SYT1: variants seen among roughly 807,000 people sequenced by gnomAD.
SYT1 encodes the protein synaptotagmin 1, also known as synaptotagmin-1.
A neutral mutation model predicts 44.8 loss-of-function variants in SYT1; 8 were observed. The observed-to-expected ratio is 0.18, with a 90% CI of 0.10 to 0.32. The LOEUF is 0.32. Ranked by LOEUF, SYT1 falls within the 10% of genes least tolerant of loss-of-function variation. The pLI is 1.00. For missense variants in SYT1, 286 were observed against 509.3 expected, an observed-to-expected ratio of 0.56 and a Z score of 4.22; for synonymous variants, 154 against 188.8, an observed-to-expected ratio of 0.82 and a Z score of 1.51.
At chr12:78,998,695 T>C (rs182244769) in intron 2 of SYT1, among the ~76,000 whole-genome samples, 4 of 152,312 alleles carry the variant, frequency 2.6e-5, no homozygotes, top group Admixed American at 6.5e-5. Context: ...AGCTTTGTGA[T>C]CTCCGATTTG....
intron 2 of SYT1, chr12:78,995,988 A>C (rs565065014): frequency 6.6e-6 from 1 of 152,334 alleles, no homozygotes; most frequent in South Asian, 2.1e-4. Flanking sequence ...TCACTGTAGG[A>C]TCAAAAACTT....
chr12:79,328,808 A>T (rs560265436), intron 8 of SYT1, among the ~76,000 whole-genome samples: 41 of 151,486 alleles, frequency 2.7e-4, no homozygotes, highest in African/African-American at 9.0e-4. Flanking sequence ...ATCACGCCAT[A>T]GCACTCCAGC....
In SYT1 at chr12:79,449,071, C is replaced by T; in HGVS notation, c.1216C>T (p.His406Tyr). The change falls in exon 11 of 11, where the codon CAC becomes TAC. Residue 406 changes from histidine to tyrosine, a missense_variant. Physicochemically the swap from His to Tyr is moderately conservative, Grantham distance 83. Around this residue, in one of 6 missense-constraint regions of SYT1, gnomAD observed 34 missense variants for 59.0 expected, o/e 0.58. Coordinates refer to ENST00000261205, the MANE Select transcript of SYT1 (RefSeq NM_005639.3). ...CCCCAGGCGACCTATTGCCCAGTGG[C>T]ACACCCTGCAGGTAGAGGAGGAAGT... ...ANPRRPIAQW[H>Y]TLQVEEEVDA... is the part of the protein sequence containing the mutation. The T allele has an allele frequency of 6.2e-7, 1 of 1,614,116 alleles. No homozygotes were observed. The highest frequency in any genetic ancestry group is 8.5e-7 in the Non-Finnish European group (1 of 1,179,998).
rs1217068268 is a variant in SYT1 at position 79,041,011 on chromosome 12, GT to G, written c.-83-6282del. ...TCTGTTTTGGTACCAGTACCCTGCTGTTTTGGTTACTGTAGCCTTGTAGTGT... is the reference window on the plus strand; with the variant it reads ...TCTGTTTTGGTACCAGTACCCTGCTGTTTGGTTACTGTAGCCTTGTAGTGT... On this transcript the variant is annotated intron_variant, in intron 2 of 10. Coordinates refer to ENST00000261205, the MANE Select transcript of SYT1 (RefSeq NM_005639.3). Among the ~76,000 whole-genome samples the G allele has an allele frequency of 2.6e-4, 40 of 152,100 alleles. 1 individual carries two copies. The highest frequency in any genetic ancestry group is 7.3e-5 in the Non-Finnish European group (5 of 68,028).
intron 1 of SYT1, among the ~76,000 whole-genome samples, chr12:78,930,664 T>C (rs923616881): frequency 4.7e-5 from 7 of 150,110 alleles, no homozygotes; most frequent in African/African-American, 9.8e-5. Context: ...ACCTCCTCCA[T>C]TGGGAGGTTG....
intron 9 of SYT1, among the ~76,000 whole-genome samples, chr12:79,384,802 T>G (rs2136080039): frequency 6.6e-6 from 1 of 152,288 alleles, no homozygotes; most frequent in Middle Eastern, 3.4e-3. Flanking sequence ...ACGTCATCAC[T>G]TATTATATGA....
At chr12:78,968,014 A>C (rs1868289283) in intron 1 of SYT1, among the ~76,000 whole-genome samples, 1 of 152,124 alleles carries the variant, frequency 6.6e-6, no homozygotes, top group Non-Finnish European at 1.5e-5. Flanking sequence ...TTTTGTGATG[A>C]CTTTAGTAGG....
chr12:79,098,539 A>T (rs1878277057), intron 3 of SYT1, among the ~76,000 whole-genome samples: 2 of 152,154 alleles, frequency 1.3e-5, no homozygotes, highest in Non-Finnish European at 2.9e-5. Flanking sequence ...CAAGTTATAA[A>T]GATGTGGTTT....
chr12:79,070,695 G>A (rs1274263592), intron 3 of SYT1, among the ~76,000 whole-genome samples: 2 of 151,954 alleles, frequency 1.3e-5, no homozygotes, highest in Admixed American at 1.3e-4. Context: ...CATAAACACG[G>A]GAACAACAGA....
intron 4 of SYT1, among the ~76,000 whole-genome samples, chr12:79,280,785 G>A (rs942223505): frequency 4.6e-5 from 7 of 151,488 alleles, no homozygotes; most frequent in Non-Finnish European, 7.4e-5. Context: ...AAGATCCACA[G>A]GGACCTCAAA....
chr12:79,381,542 A>G (rs879870535), intron 9 of SYT1, among the ~76,000 whole-genome samples: 5 of 152,240 alleles, frequency 3.3e-5, no homozygotes, highest in Non-Finnish European at 7.3e-5. Flanking sequence ...TGTTAGAATA[A>G]CATCTGCCAA....
intron 3 of SYT1, among the ~76,000 whole-genome samples, chr12:79,126,213 A>G (rs911981631): frequency 2.0e-5 from 3 of 152,198 alleles, no homozygotes; most frequent in Non-Finnish European, 4.4e-5. Context: ...TATGTAACCC[A>G]TATATATGGC....
intron 4 of SYT1, among the ~76,000 whole-genome samples, chr12:79,230,970 C>T (rs985423181): frequency 2.6e-5 from 4 of 152,128 alleles, no homozygotes; most frequent in African/African-American, 9.7e-5. Context: ...TTTGTTTTTA[C>T]CACGTAGCAA....
At chr12:78,970,298 A>G (rs1868343911) in intron 1 of SYT1, among the ~76,000 whole-genome samples, 1 of 152,248 alleles carries the variant, frequency 6.6e-6, no homozygotes, top group Non-Finnish European at 1.5e-5. Flanking sequence ...AAGTGAATAA[A>G]TGAACACAGG....
At chr12:79,273,800 C>A (rs994150558) in intron 4 of SYT1, among the ~76,000 whole-genome samples, 4 of 152,208 alleles carry the variant, frequency 2.6e-5, no homozygotes, top group African/African-American at 9.6e-5. Flanking sequence ...AAACTCCCAA[C>A]TGTGGTGGGG....
chr12:79,179,365 T>TATCGATATATCTATATCGATAG (rs1366614337), intron 3 of SYT1, among the ~76,000 whole-genome samples: 3 of 22,306 alleles, frequency 1.3e-4, no homozygotes, highest in Admixed American at 5.2e-4. Context: ...GATATAGATA[T>TATCGATATATCTATATCGATAG]AGATATAGAT....
At chr12:79,154,241 A>C (rs909068580) in intron 3 of SYT1, among the ~76,000 whole-genome samples, 8 of 152,122 alleles carry the variant, frequency 5.3e-5, no homozygotes, top group African/African-American at 1.7e-4. Flanking sequence ...AGAAGCTCTA[A>C]AATTTCAGAA....
chr12:78,868,601 T>C (rs1177940156), intron 1 of SYT1: 1 of 151,858 alleles, frequency 6.6e-6, no homozygotes, highest in Middle Eastern at 3.2e-3. Context: ...CATATATTTG[T>C]GTGTATATAT....
chr12:78,886,864 T>G (rs1306778260), intron 1 of SYT1, among the ~76,000 whole-genome samples: 1 of 152,010 alleles, frequency 6.6e-6, no homozygotes, highest in Non-Finnish European at 1.5e-5. Flanking sequence ...TGGGGTTAAG[T>G]CATTCAACAC....
Sources: allele counts gnomAD v4.1 joint callset (sites outside exome capture counted in the v4.1 genomes callset), GRCh38; gene constraint gnomAD v4.1.1; regional missense constraint gnomAD v4.1.1; transcripts MANE v1.5; gene names NCBI Gene and HGNC (gene_info 2026-07-23, HGNC 2026-07-21).